Variants in TAF4B observed in about 807,000 individuals in gnomAD.
TAF4B encodes the protein TATA-box binding protein associated factor 4b, also known as transcription initiation factor TFIID subunit 4B.
TAF4B carries 38 observed loss-of-function variants against 86.4 expected under a neutral mutation model. The ratio of observed to expected loss-of-function variants is 0.44; its 90% confidence interval spans 0.34 to 0.58. TAF4B has a LOEUF of 0.58. TAF4B is among the 20% of genes least tolerant of loss of function. TAF4B has a pLI of 0.02. For synonymous variants in TAF4B, 388 were observed against 391.2 expected (o/e 0.99, Z 0.10); for missense variants, 988 against 1,027.6 (o/e 0.96, Z 0.53).
intron 7 of TAF4B, among the ~76,000 whole-genome samples, chr18:26,291,773 A>G (rs1180139179): frequency 6.6e-6 from 1 of 152,000 alleles, no homozygotes; most frequent in Non-Finnish European, 1.5e-5. Context: ...TTTTAAAGAT[A>G]TATTTTGAAA....
intron 14 of TAF4B, among the ~76,000 whole-genome samples, chr18:26,375,892 G>A (rs2057439544): frequency 6.6e-6 from 1 of 152,096 alleles, no homozygotes; most frequent in Admixed American, 6.5e-5. Flanking sequence ...TATGGCGTCA[G>A]GTAGGGGCCC....
intron 5 of TAF4B, among the ~76,000 whole-genome samples, chr18:26,279,324 G>A (rs1012363289): frequency 6.6e-6 from 1 of 152,080 alleles, no homozygotes; most frequent in African/African-American, 2.4e-5. Context: ...CCAAGGAGGT[G>A]AAAGATGTCT....
At chr18:26,251,922 A>C (rs2056011959) in intron 1 of TAF4B, among the ~76,000 whole-genome samples, 1 of 152,146 alleles carries the variant, frequency 6.6e-6, no homozygotes. Flanking sequence ...CAGCTATTCT[A>C]ATATTGCCTC....
intron 1 of TAF4B, among the ~76,000 whole-genome samples, chr18:26,240,042 T>C (rs990991150): frequency 6.6e-6 from 1 of 152,216 alleles, no homozygotes; most frequent in Non-Finnish European, 1.5e-5. Flanking sequence ...GCTTTGTTCT[T>C]TTGGCTTATG....
chr18:26,270,176 G>C (rs986939743), intron 3 of TAF4B, among the ~76,000 whole-genome samples: 1 of 152,198 alleles, frequency 6.6e-6, no homozygotes, highest in African/African-American at 2.4e-5. Flanking sequence ...TCAGGACACA[G>C]AGAGCAAATT....
At position 26,267,198 on chromosome 18, in the gene TAF4B, CTA is replaced by C. The variant is rs1263900749; in HGVS notation, c.490-316_490-315del. On this transcript the variant is annotated intron_variant, in intron 2 of 14. Transcript: ENST00000269142. ...TTATAATTAAATATTACATAAGAAT[CTA>C]TTTTTTCTGTATGAACCAAAGAGTC... 3 of 179,746 alleles carry C rather than the reference CTA, an allele frequency of 1.7e-5. No individual in the cohort carries two copies. The East Asian group carries it at 4.3e-4, about 26-fold the overall frequency. The allele number at this position is 179,746 out of a possible 1,614,324, so 11.1% of individuals were successfully genotyped here. A position where few individuals can be genotyped will look rare whatever the true frequency, so the allele number is the denominator to read the frequency against.
intron 9 of TAF4B, among the ~76,000 whole-genome samples, chr18:26,294,347 G>C (rs746166423): frequency 2.9e-4 from 44 of 151,840 alleles, no homozygotes; most frequent in Non-Finnish European, 4.6e-4. Context: ...TTATTATTGT[G>C]GTTTTAGTTT....
At chr18:26,280,367 G>C (rs2056433240) in intron 5 of TAF4B, among the ~76,000 whole-genome samples, 1 of 152,058 alleles carries the variant, frequency 6.6e-6, no homozygotes, top group Admixed American at 6.5e-5. Flanking sequence ...TATCAACAGA[G>C]TAAACAGACC....
intron 13 of TAF4B, among the ~76,000 whole-genome samples, chr18:26,346,861 G>A (rs1176715338): frequency 0.067 from 1,197 of 17,758 alleles, 297 homozygotes; most frequent in African/African-American, 0.13. Context: ...ATATATATGT[G>A]TATATATATA....
intron 1 of TAF4B, among the ~76,000 whole-genome samples, chr18:26,230,258 C>T (rs2055645067): frequency 6.6e-6 from 1 of 152,204 alleles, no homozygotes; most frequent in African/African-American, 2.4e-5. Context: ...GACAGTCATA[C>T]TGTACAAAAG....
chr18:26,227,117 C>A lies in TAF4B; in HGVS notation c.184C>A (p.Leu62Met), dbSNP rs1158719875. Reference protein sequence around the residue: ...VCVEPTASQPLRSPVGTLVTK... With the variant: ...VCVEPTASQPMRSPVGTLVTK... ...CGTGGAGCCCACGGCGTCCCAGCCC[C>A]TGCGGTCCCCCGTGGGGACCCTGGT... The change falls in exon 1 of 15, where the codon CTG (leucine) becomes ATG (methionine). Residue 62 changes from leucine (L) to methionine (M), a missense_variant. Leu to Met is a conservative substitution (Grantham distance 15, BLOSUM62 2). This residue lies in a region of TAF4B where 747 missense variants were observed against 737.9 expected (regional missense o/e 1.01). Coordinates refer to ENST00000269142, the MANE Select transcript of TAF4B (RefSeq NM_005640.3). 6.2e-7 allele frequency: 1 copy of A among 1,613,392 alleles called. No individual in the cohort carries two copies. The highest frequency in any genetic ancestry group is 1.3e-5 in the African/African-American group (1 of 74,884).
chr18:26,242,763 C>G (rs1452354195), intron 1 of TAF4B, among the ~76,000 whole-genome samples: 1 of 152,098 alleles, frequency 6.6e-6, no homozygotes, highest in Non-Finnish European at 1.5e-5. Flanking sequence ...TTCAGGAGCT[C>G]TTGTAAGGCA....
intron 1 of TAF4B, among the ~76,000 whole-genome samples, chr18:26,249,848 A>C (rs922923748): frequency 6.6e-6 from 1 of 152,068 alleles, no homozygotes; most frequent in African/African-American, 2.4e-5. Flanking sequence ...CCAGCCTCCT[A>C]AGTAGCTGGG....
intron 5 of TAF4B, among the ~76,000 whole-genome samples, chr18:26,279,928 C>G (rs2056427134): frequency 6.6e-6 from 1 of 151,922 alleles, no homozygotes; most frequent in Non-Finnish European, 1.5e-5. Context: ...CCTGTAGTCC[C>G]AGCTACTCAG....
intron 1 of TAF4B, among the ~76,000 whole-genome samples, chr18:26,252,563 C>A (rs568784150): frequency 6.6e-6 from 1 of 152,172 alleles, no homozygotes; most frequent in East Asian, 1.9e-4. Flanking sequence ...GTGATGAAAT[C>A]TCCCTCCATT....
chr18:26,385,491 A>G (rs954744753), intron 14 of TAF4B, among the ~76,000 whole-genome samples: 6 of 152,172 alleles, frequency 3.9e-5, no homozygotes, highest in Non-Finnish European at 7.3e-5. Flanking sequence ...GAAGATGTTA[A>G]CATTTAGGTT....
intron 14 of TAF4B, among the ~76,000 whole-genome samples, chr18:26,370,071 A>G (rs1314455378): frequency 1.3e-5 from 2 of 152,368 alleles, no homozygotes; most frequent in African/African-American, 4.8e-5. Flanking sequence ...ACAAGTATTT[A>G]TTACCACAGA....
intron 5 of TAF4B, among the ~76,000 whole-genome samples, chr18:26,278,325 G>GT (rs2056407231): frequency 6.6e-6 from 1 of 151,900 alleles, no homozygotes; most frequent in Non-Finnish European, 1.5e-5. Context: ...ATTTTTTAGA[G>GT]TAAGAGTCTT....
intron 1 of TAF4B, chr18:26,255,752 G>A (rs2056074904): frequency 1.1e-5 from 18 of 1,586,142 alleles, no homozygotes; most frequent in Admixed American, 8.3e-5. Flanking sequence ...CTGGCTTCTC[G>A]GCAGCTGCTT....
Sources: allele counts gnomAD v4.1 joint callset (sites outside exome capture counted in the v4.1 genomes callset), GRCh38; gene constraint gnomAD v4.1.1; regional missense constraint gnomAD v4.1.1; transcripts MANE v1.5; gene names NCBI Gene and HGNC (gene_info 2026-07-23, HGNC 2026-07-21).